The following TRIM17 variants were observed in gnomAD, a reference collection of about 807,000 sequenced individuals.
TRIM17 encodes the protein E3 ubiquitin-protein ligase TRIM17.
Under a neutral mutation model 35.8 loss-of-function variants are expected in TRIM17, and 27 were observed. The observed-to-expected ratio is 0.75, with a 90% confidence interval of 0.56 to 1.04. TRIM17 has a LOEUF of 1.04. Ranked by LOEUF, TRIM17 falls within the 50% of genes least tolerant of loss-of-function variation. TRIM17 has a pLI of 0.00. For synonymous variants in TRIM17, 246 were observed against 252.6 expected, an observed-to-expected ratio of 0.97 and a Z score of 0.25; for missense variants, 582 against 612.8, an observed-to-expected ratio of 0.95 and a Z score of 0.53.
chr1:228,413,974 T>C, intron 2 of TRIM17, 82 bp from the exon 3 acceptor site: 2 of 1,153,234 alleles, frequency 1.7e-6, no homozygotes, highest in Non-Finnish European at 2.6e-6. Flanking sequence ...TCGCTGAAAC[T>C]GCACCCACCC....
Position 228,411,170 on chromosome 1 carries a change from C to A in TRIM17, c.532G>T (p.Val178Leu). Residue 178 changes from valine to leucine, a missense_variant, in exon 4 of 7, where the codon GTG becomes TTG. Val to Leu is a conservative substitution (Grantham distance 32). Coordinates refer to ENST00000366698, the MANE Select transcript of TRIM17 (RefSeq NM_016102.4). The surrounding 1 kb of genome is among the most constrained non-coding windows in gnomAD (Gnocchi z 4.2). ...ACAATGCGTTCTCTCCGCTCCTTCA[C>A]CTTGCCCTGCAGGAGTGGAGAAGCC... ...EQSLAEWQGK[V>L]KERRERIVLE... 1.2e-6 allele frequency: 2 copies of A among 1,607,794 alleles called. No individual in the cohort carries two copies. The highest frequency in any genetic ancestry group is 1.7e-6 in the Non-Finnish European group (2 of 1,177,016).
intron 5 of TRIM17, 27 bp downstream of exon 5, chr1:228,409,362 C>T: frequency 6.3e-7 from 1 of 1,590,316 alleles, no homozygotes; most frequent in Non-Finnish European, 8.6e-7. Flanking sequence ...GCCACTGCCC[C>T]CGCCCCTGCC....
Position 228,408,402 on chromosome 1 carries a change from C to T in TRIM17, c.1233G>A (p.Leu411=), listed in dbSNP as rs61756354. ...TGCCCATGTGGCTGGGAGGCTCCAT[C>T]AGCATGACCGGGGTTAGGGCAGAGA... The part of the protein sequence containing the change: ...STFSALTPVM[L]MEPPSHMGIF... Residue 411 remains leucine, a synonymous_variant, in exon 7 of 7, where the codon CTG becomes CTA. Coordinates refer to ENST00000366698, the MANE Select transcript of TRIM17 (RefSeq NM_016102.4). This position sits in a 1 kb window ranked among gnomAD's most constrained non-coding sequence, Gnocchi z 6.3. 7.7e-4 allele frequency: 1,251 copies of T among 1,614,208 alleles called. 4 individuals carry two copies. The highest frequency in any genetic ancestry group is 1.1e-3 in the South Asian group (103 of 91,086).
Position 228,409,365 on chromosome 1 carries a change from C to T in TRIM17, c.779+24G>A, listed in dbSNP as rs955836729. 4 of 1,588,972 alleles carry T rather than the reference C, an allele frequency of 2.5e-6. No homozygotes were observed. In the Admixed American group the frequency reaches 5.3e-5, roughly 21 times the overall value. On this transcript the variant is annotated intron_variant, in intron 5 of 6. Transcript: ENST00000366698. ...CCGCCCACCGCTGCCACTGCCCCCG[C>T]CCCTGCCTGAGGGGACCACATACCT...
At position 228,408,660 on chromosome 1, in the gene TRIM17, G is replaced by A; in HGVS notation, c.975C>T (p.Gly325=). The A allele has an allele frequency of 6.2e-7, 1 of 1,612,358 alleles. No homozygotes were observed. The change falls in exon 7 of 7, where the codon GGC becomes GGT. Residue 325 remains glycine (G), a synonymous_variant. Transcript: ENST00000366698. The surrounding 1 kb of genome is among the most constrained non-coding windows in gnomAD (Gnocchi z 6.3). ...QRRYLGSSPE[G]SGFCSKDRFV... is the part of the protein sequence containing the mutation. The stretch of plus-strand genomic sequence containing the variant: ...ATCGGTCCTTGCTGCAGAACCCACT[G>A]CCCTCCGGCGAAGAGCCGAGGTAGC...
Position 228,411,683 on chromosome 1 carries a change from A to G in TRIM17, c.526-507T>C, listed in dbSNP as rs1441755332. On this transcript the variant is annotated intron_variant, in intron 3 of 6. Coordinates refer to ENST00000366698, the MANE Select transcript of TRIM17 (RefSeq NM_016102.4). This position sits in a 1 kb window ranked among gnomAD's most constrained non-coding sequence, Gnocchi z 4.2. ...GCTCTGTTGCCCAGGCTGGAGTGCAATGGCACAACCACAACTCACTGCAAC... is the reference window on the plus strand; with the variant it reads ...GCTCTGTTGCCCAGGCTGGAGTGCAGTGGCACAACCACAACTCACTGCAAC... Among the ~76,000 whole-genome samples, 5 of 150,732 alleles carry G rather than the reference A, an allele frequency of 3.3e-5. No homozygotes were observed. The highest frequency in any genetic ancestry group is 4.9e-5 in the African/African-American group (2 of 40,996).
At chr1:228,412,697 G>C (rs998629284) in intron 3 of TRIM17, among the ~76,000 whole-genome samples, 1 of 149,934 alleles carries the variant, frequency 6.7e-6, no homozygotes, top group Non-Finnish European at 1.5e-5. Flanking sequence ...TTGAGTCCAG[G>C]AATTTGAGGC....
intron 1 of TRIM17, among the ~76,000 whole-genome samples, chr1:228,416,196 T>A (rs1657112468): frequency 6.6e-6 from 1 of 152,174 alleles, no homozygotes; most frequent in African/African-American, 2.4e-5. Context: ...ACGTCCAGTT[T>A]CTCGGAGCTT....
chr1:228,410,704 C>T lies in TRIM17; in HGVS notation c.756+242G>A, dbSNP rs114972848. Among the ~76,000 whole-genome samples the T allele has an allele frequency of 0.027, 4,057 of 152,178 alleles. 175 individuals are homozygous for T. Among genetic ancestry groups the T allele is most frequent in the African/African-American group, 0.089 (3,705 of 41,464 alleles). On this transcript the variant is annotated intron_variant, in intron 4 of 6. Transcript: ENST00000366698. This position sits in a 1 kb window ranked among gnomAD's most constrained non-coding sequence, Gnocchi z 4.6. ...TACAAGGAGATGATTAGGACAGAGA[C>T]GTGCATAGAGAGATGATGCCATGAG...
Position 228,408,103 on chromosome 1 carries a change from GC to G in TRIM17, c.*97del. 1 of 1,205,762 alleles carries G rather than the reference GC, an allele frequency of 8.3e-7. No homozygotes were observed. The highest frequency in any genetic ancestry group is 1.7e-5 in the South Asian group (1 of 58,170). The allele number at this position is 1,205,762 out of a possible 1,614,324, so 74.7% of individuals were successfully genotyped here. On this transcript the variant is annotated 3_prime_UTR_variant, in exon 7 of 7. Transcript: ENST00000366698. The surrounding 1 kb of genome is among the most constrained non-coding windows in gnomAD (Gnocchi z 6.3). ...CCCCCTGTGTGTCTAATGGCTGCCA[GC>G]GTGATGCCAGAGAACCCTGGCAGGT...
chr1:228,412,512 G>C (rs1041799919), intron 3 of TRIM17, among the ~76,000 whole-genome samples: 1 of 146,436 alleles, frequency 6.8e-6, no homozygotes, highest in Admixed American at 7.1e-5. Context: ...TGTAATCCCA[G>C]TGCTTTGGGA....
At chr1:228,416,335 C>T (rs1173746439) in intron 1 of TRIM17, 2 of 985,276 alleles carry the variant, frequency 2.0e-6, no homozygotes, top group Non-Finnish European at 2.4e-6. Flanking sequence ...GCTCTGGCTG[C>T]CGGGATGGCT....
Position 228,409,373 on chromosome 1 carries a change from T to C in TRIM17, c.779+16A>G. On this transcript the variant is annotated intron_variant, in intron 5 of 6. Transcript: ENST00000366698. The stretch of plus-strand genomic sequence containing the variant: ...CGCTGCCACTGCCCCCGCCCCTGCC[T>C]GAGGGGACCACATACCTGCTCAGGG... 1 of 1,511,022 alleles carries C rather than the reference T, an allele frequency of 6.6e-7. No individual in the cohort carries two copies. The highest frequency in any genetic ancestry group is 9.0e-7 in the Non-Finnish European group (1 of 1,111,714). 93.6% of individuals were successfully genotyped at this position (1,511,022 alleles called of 1,614,324 possible). A position where few individuals can be genotyped will look rare whatever the true frequency, so the allele number is the denominator to read the frequency against.
chr1:228,409,628 C>G (rs1224230790), intron 4 of TRIM17: 1 of 498,786 alleles, frequency 2.0e-6, no homozygotes, highest in Non-Finnish European at 3.5e-6. Context: ...GCTGAGCTAC[C>G]CTGTCAGCCC....
chr1:228,415,326 C>T (rs1657043003), intron 1 of TRIM17: 7 of 481,964 alleles, frequency 1.5e-5, no homozygotes, highest in Non-Finnish European at 2.2e-5. Context: ...CCCTCCGCCT[C>T]TCCTCTCCAC....
At position 228,411,149 on chromosome 1, in the gene TRIM17, T is replaced by C; in HGVS notation, c.553A>G (p.Ile185Val). Residue 185 changes from isoleucine (I) to valine (V), a missense_variant, in exon 4 of 7, where the codon ATT (isoleucine) becomes GTT (valine). Ile to Val is a conservative substitution (Grantham distance 29). Transcript: ENST00000366698. The surrounding 1 kb of genome is among the most constrained non-coding windows in gnomAD (Gnocchi z 4.2). Reference protein sequence around the residue: ...QGKVKERRERIVLEFEKMNLY... With the variant: ...QGKVKERRERVVLEFEKMNLY... ...TTCATCTTCTCAAACTCCAGCACAA[T>C]GCGTTCTCTCCGCTCCTTCACCTTG... 4 of 1,612,972 alleles carry C rather than the reference T, an allele frequency of 2.5e-6. No homozygotes were observed. Among genetic ancestry groups the C allele is most frequent in the Non-Finnish European group, 2.5e-6 (3 of 1,179,474 alleles).
rs756140405 is a variant in TRIM17 at position 228,409,266 on chromosome 1, G to A, written c.789C>T (p.Asn263=). ...CAACCTCTGGGCACTGCACACTCAC[G>A]TTGTTCTTCCTCCGGTGGGCACACA... The part of the protein sequence containing the change: ...DMKEPLSRKN[N]VSVQCPEVAP... Residue 263 remains asparagine, a synonymous_variant, in exon 6 of 7, where the codon AAC becomes AAT. Transcript: ENST00000366698. 10 of 1,613,426 alleles carry A rather than the reference G, an allele frequency of 6.2e-6. No homozygotes were observed. The highest frequency in any genetic ancestry group is 1.7e-5 in the Admixed American group (1 of 59,970).
At chr1:228,416,484 C>A (rs1337086062) in intron 1 of TRIM17, 55 bp downstream of exon 1, 2 of 985,768 alleles carry the variant, frequency 2.0e-6, no homozygotes, top group Admixed American at 6.1e-5. Flanking sequence ...AGGCTTAGGT[C>A]GTGGCCCAGG....
In TRIM17 at chr1:228,409,243, A is replaced by G. The variant is rs142947508; in HGVS notation, c.812T>C (p.Val271Ala). The G allele has an allele frequency of 6.2e-7, 1 of 1,613,348 alleles. No individual in the cohort carries two copies. Among genetic ancestry groups the G allele is most frequent in the African/African-American group, 1.3e-5 (1 of 74,764 alleles). The change falls in exon 6 of 7, where the codon GTT (valine) becomes GCT (alanine). Residue 271 changes from valine (V) to alanine (A), a missense_variant. By Grantham distance (64) the Val-to-Ala change is moderately conservative. Coordinates refer to ENST00000366698, the MANE Select transcript of TRIM17 (RefSeq NM_016102.4). ...KNNVSVQCPE[V>A]APPTRPRTVC... ...AGTCCTGGGTCTGGTTGGGGGGGCAACCTCTGGGCACTGCACACTCACGTT... is the reference window on the plus strand; with the variant it reads ...AGTCCTGGGTCTGGTTGGGGGGGCAGCCTCTGGGCACTGCACACTCACGTT...
Sources: allele counts gnomAD v4.1 joint callset (sites outside exome capture counted in the v4.1 genomes callset), GRCh38; gene constraint gnomAD v4.1.1; non-coding constraint Gnocchi (gnomAD v3.1); transcripts MANE v1.5; gene names NCBI Gene and HGNC (gene_info 2026-07-23, HGNC 2026-07-21).